Variants in RRAS2 observed in about 807,000 individuals in gnomAD.
RRAS2 encodes ras-related protein R-Ras2.
RRAS2 carries 7 observed loss-of-function variants against 27.6 expected under a neutral mutation model. The ratio of observed to expected loss-of-function variants is 0.25; its 90% CI spans 0.14 to 0.48. The LOEUF (loss-of-function observed/expected upper bound fraction) is 0.48, where lower values mean the gene tolerates loss of function less well. Ranked by LOEUF, RRAS2 falls within the 20% of genes least tolerant of loss-of-function variation. RRAS2 has a pLI of 0.99. For synonymous variants in RRAS2, 86 were observed against 90.9 expected (o/e 0.95, Z 0.31); for missense variants, 178 against 256.2 (o/e 0.69, Z 2.08).
intron 1 of RRAS2, among the ~76,000 whole-genome samples, chr11:14,343,536 C>T (rs1848761673): frequency 6.6e-6 from 1 of 152,098 alleles, no homozygotes; most frequent in African/African-American, 2.4e-5. Flanking sequence ...AAAGTAGTTC[C>T]CTGTAGGCCA....
intron 1 of RRAS2, among the ~76,000 whole-genome samples, chr11:14,296,504 AGT>A (rs1407803322): frequency 6.6e-6 from 1 of 152,228 alleles, no homozygotes; most frequent in Non-Finnish European, 1.5e-5. Context: ...TAGAAAACAC[AGT>A]AAGTTATAAT....
intron 1 of RRAS2, among the ~76,000 whole-genome samples, chr11:14,352,744 AATAT>A (rs56241114): frequency 9.1e-4 from 126 of 139,090 alleles, no homozygotes; most frequent in Admixed American, 4.3e-3. Context: ...AAACTTTTAA[AATAT>A]ATATATATAG....
chr11:14,318,492 G>C (rs1414366802), intron 1 of RRAS2, among the ~76,000 whole-genome samples: 3 of 151,786 alleles, frequency 2.0e-5, no homozygotes, highest in South Asian at 2.1e-4. Flanking sequence ...GACAGAGAGA[G>C]AATCTGTCTC....
At chr11:14,363,049 G>A (rs1302573491), upstream of RRAS2, among the ~76,000 whole-genome samples, 1 of 152,172 alleles carries the variant, frequency 6.6e-6, no homozygotes, top group African/African-American at 2.4e-5. Context: ...TAAAAATAGG[G>A]TATGTCACAA....
intron 4 of RRAS2, among the ~76,000 whole-genome samples, chr11:14,294,118 T>G (rs1207988534): frequency 6.6e-6 from 1 of 152,242 alleles, no homozygotes; most frequent in Non-Finnish European, 1.5e-5. Flanking sequence ...ACTTAGGCCT[T>G]TAGTGGTAAC....
At chr11:14,342,738 T>C (rs1451874225) in intron 1 of RRAS2, among the ~76,000 whole-genome samples, 1 of 152,242 alleles carries the variant, frequency 6.6e-6, no homozygotes, top group Non-Finnish European at 1.5e-5. Context: ...TTTCATTATC[T>C]AGATACTAGC....
intron 4 of RRAS2, among the ~76,000 whole-genome samples, chr11:14,289,290 A>G (rs1849748573): frequency 2.6e-5 from 4 of 152,204 alleles, no homozygotes; most frequent in South Asian, 2.1e-4. Context: ...AAAGGAGGGG[A>G]AAAAGAGGGA....
At chr11:14,325,816 T>C (rs564502020) in intron 1 of RRAS2, among the ~76,000 whole-genome samples, 1 of 152,324 alleles carries the variant, frequency 6.6e-6, no homozygotes, top group East Asian at 1.9e-4. Flanking sequence ...AAGTAGTCTT[T>C]TTGTTTGCTA....
chr11:14,361,281 C>T (rs1455457176), upstream of RRAS2, among the ~76,000 whole-genome samples: 7 of 150,730 alleles, frequency 4.6e-5, no homozygotes, highest in East Asian at 1.2e-3. Context: ...CCCGCCTGGG[C>T]GACAGAGCCG....
chr11:14,312,821 A>C (rs1269034187), intron 1 of RRAS2, among the ~76,000 whole-genome samples: 2 of 152,202 alleles, frequency 1.3e-5, no homozygotes, highest in Non-Finnish European at 2.9e-5. Context: ...CTGTTGTTTT[A>C]CTTTCCTAAT....
chr11:14,323,995 T>G (rs1278132881), intron 1 of RRAS2, among the ~76,000 whole-genome samples: 1 of 147,388 alleles, frequency 6.8e-6, no homozygotes, highest in African/African-American at 2.5e-5. Context: ...AAAAAAAAAC[T>G]ATAGCAAACA....
intron 1 of RRAS2, among the ~76,000 whole-genome samples, chr11:14,331,078 G>C (rs1848471708): frequency 1.3e-5 from 2 of 152,270 alleles, no homozygotes; most frequent in African/African-American, 4.8e-5. Flanking sequence ...CACTGCGCCT[G>C]ACCCTAAATC....
upstream of RRAS2, among the ~76,000 whole-genome samples, chr11:14,360,689 A>T (rs1371267611): frequency 6.6e-6 from 1 of 152,196 alleles, no homozygotes; most frequent in African/African-American, 2.4e-5. Context: ...TGGAAGGCCA[A>T]GGCGGGCGGA....
chr11:14,307,201 CAAAAAAAACA>C (rs1433286278), intron 1 of RRAS2, among the ~76,000 whole-genome samples: 10 of 116,400 alleles, frequency 8.6e-5, no homozygotes, highest in East Asian at 2.4e-4. Context: ...TCCCCCAAAC[CAAAAAAAACA>C]AAAAAAAACA....
intron 1 of RRAS2, among the ~76,000 whole-genome samples, chr11:14,321,052 C>T (rs974375105): frequency 6.6e-6 from 1 of 151,908 alleles, no homozygotes; most frequent in Admixed American, 6.6e-5. Context: ...TGGTGGCAGG[C>T]GCCTGTAATC....
intron 1 of RRAS2, among the ~76,000 whole-genome samples, chr11:14,348,431 G>A (rs1848883455): frequency 6.6e-6 from 1 of 152,050 alleles, no homozygotes; most frequent in African/African-American, 2.4e-5. Flanking sequence ...ATCCATTTAT[G>A]GTTCTTACTT....
chr11:14,347,869 GA>G (rs11350875), intron 1 of RRAS2, among the ~76,000 whole-genome samples: 126,314 of 150,414 alleles, frequency 0.84, 53,234 homozygotes, highest in South Asian at 0.89. Context: ...AATTCCAGTA[GA>G]AAAAAAAAAA....
At chr11:14,281,525 T>C (rs1284666968) in intron 5 of RRAS2, 77 bp downstream of exon 5, 176 of 1,190,064 alleles carry the variant, frequency 1.5e-4, no homozygotes, top group Non-Finnish European at 1.6e-4. Flanking sequence ...AAGGAATCAC[T>C]TCCATATAAA....
chr11:14,317,766 T>G (rs1173502462), intron 1 of RRAS2, among the ~76,000 whole-genome samples: 4 of 152,124 alleles, frequency 2.6e-5, no homozygotes, highest in Non-Finnish European at 5.9e-5. Flanking sequence ...CATTGCAAAC[T>G]CTAAATGTAC....
Sources: gnomAD v4.1 joint callset for allele counts (sites outside exome capture counted in the v4.1 genomes callset) on GRCh38, gnomAD v4.1.1 for gene constraint, MANE v1.5 for transcripts, NCBI Gene and HGNC (gene_info 2026-07-23, HGNC 2026-07-21) for gene names.